The following GRM8 variants were observed in gnomAD, a reference collection of about 807,000 sequenced individuals.
GRM8 encodes glutamate metabotropic receptor 8.
A neutral mutation model predicts 87.2 loss-of-function variants in GRM8; 47 were observed. That is an observed-to-expected ratio of 0.54 (90% confidence interval 0.43 to 0.69). The LOEUF (loss-of-function observed/expected upper bound fraction) is 0.69. GRM8 is among the 30% of genes least tolerant of loss of function. The pLI is 0.00. For missense variants in GRM8, 1,019 were observed against 1,139.2 expected (o/e 0.89, Z 1.52); for synonymous variants, 396 against 404.5 (o/e 0.98, Z 0.25).
At chr7:126,734,706 T>C (rs1813999553) in intron 7 of GRM8, among the ~76,000 whole-genome samples, 1 of 152,000 alleles carries the variant, frequency 6.6e-6, no homozygotes, top group Admixed American at 6.6e-5. Context: ...AAAATACGTA[T>C]TTTTAAAAGT....
At chr7:127,043,411 T>C (rs1367334521) in intron 3 of GRM8, among the ~76,000 whole-genome samples, 1 of 152,216 alleles carries the variant, frequency 6.6e-6, no homozygotes, top group East Asian at 1.9e-4. Flanking sequence ...GTGGCACATA[T>C]ACACTATGGA....
intron 3 of GRM8, among the ~76,000 whole-genome samples, chr7:127,080,507 A>G (rs936011969): frequency 6.6e-6 from 1 of 152,190 alleles, no homozygotes; most frequent in African/African-American, 2.4e-5. Flanking sequence ...CAATTCTGCC[A>G]CCACTGAGAA....
chr7:126,979,893 C>T (rs1266616057), intron 3 of GRM8, among the ~76,000 whole-genome samples: 1 of 152,210 alleles, frequency 6.6e-6, no homozygotes, highest in Non-Finnish European at 1.5e-5. Flanking sequence ...TACATCTGCC[C>T]AGAAGAGGCA....
At chr7:126,458,442 G>T (rs1340991821) in intron 9 of GRM8, among the ~76,000 whole-genome samples, 1 of 151,026 alleles carries the variant, frequency 6.6e-6, no homozygotes, top group African/African-American at 2.4e-5. Flanking sequence ...ATTATGCAAA[G>T]AATATATATA....
At chr7:126,468,890 C>T (rs1314062923) in intron 9 of GRM8, among the ~76,000 whole-genome samples, 4 of 152,090 alleles carry the variant, frequency 2.6e-5, no homozygotes, top group African/African-American at 9.7e-5. Context: ...ATTCATGTAT[C>T]TTTCCTAAAA....
intron 2 of GRM8, among the ~76,000 whole-genome samples, chr7:127,182,989 C>A (rs1794551639): frequency 1.3e-5 from 2 of 151,652 alleles, no homozygotes; most frequent in South Asian, 4.1e-4. Flanking sequence ...TCACAAATCA[C>A]CACTAAAGAA....
chr7:126,878,733 G>A (rs547884236), intron 6 of GRM8, among the ~76,000 whole-genome samples: 3 of 151,990 alleles, frequency 2.0e-5, no homozygotes, highest in South Asian at 2.1e-4. Flanking sequence ...CACCATGTTG[G>A]TCAGGCTGTT....
intron 7 of GRM8, among the ~76,000 whole-genome samples, chr7:126,633,191 G>C (rs1801512163): frequency 6.6e-6 from 1 of 152,050 alleles, no homozygotes; most frequent in Non-Finnish European, 1.5e-5. Context: ...AGAATCTGCT[G>C]ACCACAATGC....
At chr7:126,777,726 T>C (rs1162972733) in intron 6 of GRM8, among the ~76,000 whole-genome samples, 5 of 152,142 alleles carry the variant, frequency 3.3e-5, no homozygotes, top group Non-Finnish European at 7.3e-5. Context: ...CCAATACTTA[T>C]ATTGAACTAC....
chr7:126,792,981 C>T (rs767914273), intron 6 of GRM8, among the ~76,000 whole-genome samples: 28 of 152,280 alleles, frequency 1.8e-4, no homozygotes, highest in South Asian at 2.1e-4. Context: ...TCAGATTCTT[C>T]CCTGCAATAC....
At chr7:127,073,113 G>A (rs1488972462) in intron 3 of GRM8, among the ~76,000 whole-genome samples, 3 of 152,160 alleles carry the variant, frequency 2.0e-5, no homozygotes, top group Non-Finnish European at 4.4e-5. Flanking sequence ...CCTCTGCCCA[G>A]AAGGCAGGAA....
chr7:126,762,242 T>A (rs936104960), intron 7 of GRM8, among the ~76,000 whole-genome samples: 1 of 151,264 alleles, frequency 6.6e-6, no homozygotes, highest in South Asian at 2.1e-4. Context: ...AGGCATCTAT[T>A]TTTTTTTTCT....
chr7:127,230,816 G>A (rs1797641197), intron 2 of GRM8, among the ~76,000 whole-genome samples: 1 of 151,938 alleles, frequency 6.6e-6, no homozygotes, highest in African/African-American at 2.4e-5. Context: ...CCAGAAATGT[G>A]AGGGGAAAAA....
intron 2 of GRM8, among the ~76,000 whole-genome samples, chr7:127,225,628 T>C (rs1244385247): frequency 6.6e-6 from 1 of 150,536 alleles, no homozygotes; most frequent in Non-Finnish European, 1.5e-5. Context: ...GTTGGTAAAC[T>C]CTACCTATAG....
intron 6 of GRM8, among the ~76,000 whole-genome samples, chr7:126,859,017 T>C (rs1797926061): frequency 6.7e-6 from 1 of 149,554 alleles, no homozygotes. Flanking sequence ...TTCCCAGACC[T>C]TCCCAGACCA....
At chr7:126,999,216 T>G (rs1352512679) in intron 3 of GRM8, among the ~76,000 whole-genome samples, 4 of 151,930 alleles carry the variant, frequency 2.6e-5, no homozygotes, top group Non-Finnish European at 5.9e-5. Context: ...GACCCCTATC[T>G]CTTGCTATAT....
intron 7 of GRM8, among the ~76,000 whole-genome samples, chr7:126,637,792 A>G (rs989748040): frequency 2.0e-5 from 3 of 152,128 alleles, no homozygotes; most frequent in Admixed American, 2.0e-4. Context: ...CCTTTCGAGT[A>G]ATCATTACCA....
Position 127,080,591 on chromosome 7 carries a change from A to T in GRM8, c.727+25905T>A, listed in dbSNP as rs138834917. The T allele has an allele frequency of 1.2e-3, 178 of 152,240 alleles. 1 individual carries two copies. Among genetic ancestry groups the T allele is most frequent in the African/African-American group, 4.3e-3 (177 of 41,548 alleles). The allele number at this position is 152,240 out of a possible 1,614,324, so 9.4% of individuals were successfully genotyped here. ...AATTTAAAAGTAGGCATGTGACTGA[A>T]TTCTGGCCAAGGAGATATAAGCGTC... On this transcript the variant is annotated intron_variant, in intron 3 of 10. Coordinates refer to ENST00000339582, the MANE Select transcript of GRM8 (RefSeq NM_000845.3).
chr7:126,699,002 A>G (rs1351122355), intron 7 of GRM8, among the ~76,000 whole-genome samples: 2 of 152,154 alleles, frequency 1.3e-5, no homozygotes, highest in Non-Finnish European at 2.9e-5. Context: ...GAATGTGGTG[A>G]AAGAAGCTGT....
Sources: allele counts gnomAD v4.1 joint callset (sites outside exome capture counted in the v4.1 genomes callset), GRCh38; gene constraint gnomAD v4.1.1; transcripts MANE v1.5; gene names NCBI Gene and HGNC (gene_info 2026-07-23, HGNC 2026-07-21).